The following MAP4K4 variants were observed in gnomAD, a reference collection of about 807,000 sequenced individuals.
MAP4K4 encodes the protein HPK/GCK-like kinase HGK.
In MAP4K4, 38 loss-of-function variants were observed where a neutral mutation model predicts 189.6. The ratio of observed to expected loss-of-function variants is 0.20; its 90% CI spans 0.15 to 0.26. The LOEUF is 0.26. Among genes scored for constraint, MAP4K4 ranks in the 10% least tolerant of loss-of-function variants. The probability of loss-of-function intolerance (pLI) is 1.00; values close to 1 mark genes in which losing one functional copy is unlikely to be tolerated. For missense variants in MAP4K4, 1,054 were observed against 1,726.9 expected (o/e 0.61, Z 6.91); for synonymous variants, 610 against 624.3 (o/e 0.98, Z 0.34).
intron 2 of MAP4K4, among the ~76,000 whole-genome samples, chr2:101,775,670 A>G (rs915696493): frequency 2.0e-5 from 3 of 152,144 alleles, no homozygotes; most frequent in African/African-American, 7.2e-5. Context: ...TCGGAAAAAA[A>G]TTCTTCAAAT....
In MAP4K4 at chr2:101,777,266, C is replaced by T. The variant is rs147528659; in HGVS notation, c.124-13454C>T. On this transcript the variant is annotated intron_variant, in intron 2 of 32. Transcript: ENST00000324219. The stretch of plus-strand genomic sequence containing the variant: ...TAGCTGGCTATTGGGAATGGCTGGA[C>T]ATGCCCACAGAGAGTCCTGCTCTGT... Among the ~76,000 whole-genome samples, 1,001 of 152,306 alleles carry T rather than the reference C, an allele frequency of 6.6e-3. 11 individuals are homozygous for T. Among genetic ancestry groups the T allele is most frequent in the African/African-American group, 0.023 (968 of 41,556 alleles).
Position 101,737,822 on chromosome 2 carries a change from C to G in MAP4K4, c.123+39284C>G, listed in dbSNP as rs565631092. On this transcript the variant is annotated intron_variant, in intron 2 of 32. Coordinates refer to ENST00000324219, the Ensembl canonical transcript of MAP4K4. ...TGCCTTTTCTCTCTACTCTCTCCCC[C>G]CTCTTTCTCCCTCACTTAGGCTCCT... is the stretch of plus-strand genomic sequence containing the variant. Among the ~76,000 whole-genome samples, 14 of 152,190 alleles carry G rather than the reference C, an allele frequency of 9.2e-5. No individual in the cohort carries two copies. The East Asian group carries it at 2.1e-3, about 23-fold the overall frequency.
At chr2:101,782,731 A>T (rs2088330939) in intron 2 of MAP4K4, among the ~76,000 whole-genome samples, 1 of 152,082 alleles carries the variant, frequency 6.6e-6, no homozygotes, top group South Asian at 2.1e-4. Flanking sequence ...TGTTTAGAAG[A>T]CCGAGATGTT....
chr2:101,871,714 T>C (rs1346740916), intron 24 of MAP4K4, 29 bp downstream of exon 24: 3 of 1,531,028 alleles, frequency 2.0e-6, no homozygotes, highest in Non-Finnish European at 1.7e-6. Context: ...CTGGCTGCTT[T>C]CCTGGGGTTA....
intron 2 of MAP4K4, among the ~76,000 whole-genome samples, chr2:101,710,778 T>C (rs1178626900): frequency 6.6e-6 from 1 of 152,212 alleles, no homozygotes; most frequent in East Asian, 1.9e-4. Context: ...CATAGATATA[T>C]GTGGAGCAGT....
rs150219709 is a variant in MAP4K4 at position 101,787,918 on chromosome 2, C to G, written c.124-2802C>G. Among the ~76,000 whole-genome samples the G allele has an allele frequency of 1.4e-3, 211 of 151,812 alleles. 3 individuals carry two copies. In the East Asian group the frequency reaches 0.04, roughly 29 times the overall value. The stretch of plus-strand genomic sequence containing the variant: ...TCCTGGGTTCAAGCAATTCTCCTGC[C>G]TCAGCCTCCTGAGTAGCTGGGATTA... On this transcript the variant is annotated intron_variant, in intron 2 of 32. Coordinates refer to ENST00000324219, the Ensembl canonical transcript of MAP4K4.
chr2:101,712,320 G>C (rs1198296747), intron 2 of MAP4K4, among the ~76,000 whole-genome samples: 1 of 151,528 alleles, frequency 6.6e-6, no homozygotes, highest in African/African-American at 2.4e-5. Flanking sequence ...TCAGCCTCCC[G>C]AGTAGCTGGG....
At chr2:101,815,450 T>C (rs1254426221) in intron 3 of MAP4K4, among the ~76,000 whole-genome samples, 1 of 152,178 alleles carries the variant, frequency 6.6e-6, no homozygotes, top group African/African-American at 2.4e-5. Context: ...TTGTAGCTTT[T>C]GTTAAGTTTT....
chr2:101,781,078 T>C (rs954449334), intron 2 of MAP4K4, among the ~76,000 whole-genome samples: 1 of 152,218 alleles, frequency 6.6e-6, no homozygotes, highest in South Asian at 2.1e-4. Flanking sequence ...TCCATTGTTT[T>C]AGATGCTCTG....
intron 27 of MAP4K4, among the ~76,000 whole-genome samples, chr2:101,877,476 C>CTT (rs571878053): frequency 0.027 from 3,537 of 132,780 alleles, 190 homozygotes; most frequent in African/African-American, 0.097. Context: ...TTCCACCAGA[C>CTT]TTTTTTTTTT....
chr2:101,711,470 G>A (rs2045506217), intron 2 of MAP4K4, among the ~76,000 whole-genome samples: 1 of 152,068 alleles, frequency 6.6e-6, no homozygotes, highest in Admixed American at 6.5e-5. Flanking sequence ...GATGAGGCTG[G>A]TCTCCAAATC....
rs778939190 is a variant in MAP4K4 at position 101,698,541 on chromosome 2, C to G, written c.123+3C>G. On this transcript the variant is annotated splice_donor_region_variant and intron_variant, in intron 2 of 32. Coordinates refer to ENST00000324219, the Ensembl canonical transcript of MAP4K4. ...GCACCTATGGACAAGTCTATAAGGT[C>G]GGTGTGGGCGCCTTCTTTGTTTCCC... 6.2e-7 allele frequency: 1 copy of G among 1,612,786 alleles called. No individual in the cohort carries two copies. Among genetic ancestry groups the G allele is most frequent in the Non-Finnish European group, 8.5e-7 (1 of 1,179,196 alleles).
At chr2:101,865,204 T>C (rs1190368005) in intron 18 of MAP4K4, among the ~76,000 whole-genome samples, 168 bp downstream of exon 18, 3 of 152,194 alleles carry the variant, frequency 2.0e-5, no homozygotes, top group Admixed American at 6.5e-5. Flanking sequence ...TGGCATCAAG[T>C]TGATGTGTAG....
chr2:101,774,137 A>G (rs1183601951), intron 2 of MAP4K4, among the ~76,000 whole-genome samples: 1 of 152,188 alleles, frequency 6.6e-6, no homozygotes, highest in Non-Finnish European at 1.5e-5. Context: ...GGAACCTCCA[A>G]ATGGTTCTCC....
At chr2:101,774,980 CT>C (rs1293613856) in intron 2 of MAP4K4, among the ~76,000 whole-genome samples, 1 of 151,628 alleles carries the variant, frequency 6.6e-6, no homozygotes, top group Non-Finnish European at 1.5e-5. Context: ...TATTTTATCA[CT>C]TCCCCCCATT....
chr2:101,788,704 T>C (rs2092229807), intron 2 of MAP4K4, among the ~76,000 whole-genome samples: 1 of 152,196 alleles, frequency 6.6e-6, no homozygotes, highest in Admixed American at 6.5e-5. Context: ...GGGAAACTCA[T>C]GTTTTTTATA....
chr2:101,871,732 A>G (rs1359983540), intron 24 of MAP4K4, 47 bp downstream of exon 24: 2 of 1,506,014 alleles, frequency 1.3e-6, no homozygotes, highest in Admixed American at 4.0e-5. Context: ...TTAGACCAGC[A>G]CTGCCTAGGA....
At chr2:101,728,740 A>G (rs1048558229) in intron 2 of MAP4K4, among the ~76,000 whole-genome samples, 6 of 152,132 alleles carry the variant, frequency 3.9e-5, no homozygotes, top group African/African-American at 1.4e-4. Flanking sequence ...GCTAGTCTCA[A>G]ACTCCTGACC....
chr2:101,794,103 T>G (rs769993158), intron 3 of MAP4K4, among the ~76,000 whole-genome samples: 1 of 152,152 alleles, frequency 6.6e-6, no homozygotes, highest in African/African-American at 2.4e-5. Context: ...TTTATCTGAT[T>G]GGTTTTGGGA....
Sources: gnomAD v4.1 joint callset for allele counts (sites outside exome capture counted in the v4.1 genomes callset) on GRCh38, gnomAD v4.1.1 for gene constraint, MANE v1.5 for transcripts, NCBI Gene and HGNC (gene_info 2026-07-23, HGNC 2026-07-21) for gene names.